VSX1: variants seen among roughly 807,000 people sequenced by gnomAD.
VSX1 encodes the protein visual system homeobox 1, also known as homeodomain protein RINX.
In VSX1, 23 loss-of-function variants were observed where a neutral mutation model predicts 23.6. The ratio of observed to expected loss-of-function variants is 0.97; its 90% CI spans 0.70 to 1.38. VSX1 has a LOEUF of 1.38. Ranked by LOEUF, VSX1 falls within the 40% of genes most tolerant of loss-of-function variation. The pLI is 0.00. For synonymous variants in VSX1, 247 were observed against 215.1 expected (o/e 1.15, Z -1.30); for missense variants, 517 against 495.4 (o/e 1.04, Z -0.41).
At position 25,077,669 on chromosome 20, in the gene VSX1, G is replaced by A. The variant is rs185830328; in HGVS notation, c.808+16C>T. 31 of 1,544,052 alleles carry A rather than the reference G, an allele frequency of 2.0e-5. No individual in the cohort carries two copies. The highest frequency in any genetic ancestry group is 4.9e-5 in the East Asian group (2 of 40,910). ...ACAACACCTCGAGCCGTGCGATCCC[G>A]GGGGCCCTTCCTTACCCAGGAGCCA... On this transcript the variant is annotated intron_variant, in intron 4 of 4. Coordinates refer to ENST00000376709, the MANE Select transcript of VSX1 (RefSeq NM_014588.6).
At chr20:25,071,357 A>G (rs1220538112), downstream of VSX1, 1 of 454,018 alleles carries the variant, frequency 2.2e-6, no homozygotes, top group East Asian at 7.0e-5. Flanking sequence ...CTGTAATCCT[A>G]GCAACATAGG....
downstream of VSX1, among the ~76,000 whole-genome samples, chr20:25,074,545 G>T (rs141691552): frequency 1.3e-5 from 2 of 152,002 alleles, no homozygotes; most frequent in East Asian, 1.9e-4. Flanking sequence ...AGTTGTTAAG[G>T]TTATTCATTT....
chr20:25,081,108 C>CA (rs1245909481), intron 1 of VSX1, among the ~76,000 whole-genome samples: 1 of 152,252 alleles, frequency 6.6e-6, no homozygotes, highest in Non-Finnish European at 1.5e-5. Flanking sequence ...CTTTCTCCTG[C>CA]ACAGGGGACT....
chr20:25,080,183 AAAG>A (rs144858318), intron 1 of VSX1, among the ~76,000 whole-genome samples: 1,818 of 152,378 alleles, frequency 0.012, 17 homozygotes, highest in Middle Eastern at 0.037. Flanking sequence ...TCTAGATGGA[AAAG>A]AAGGTTAGAA....
At chr20:25,081,274 C>G (rs1483049481) in intron 1 of VSX1, among the ~76,000 whole-genome samples, 1 of 152,226 alleles carries the variant, frequency 6.6e-6, no homozygotes, top group Non-Finnish European at 1.5e-5. Flanking sequence ...GTACCTTGTT[C>G]GGTGCTGCTG....
At chr20:25,073,857 G>C (rs2089432894), downstream of VSX1, among the ~76,000 whole-genome samples, 2 of 152,134 alleles carry the variant, frequency 1.3e-5, no homozygotes, top group South Asian at 4.1e-4. Flanking sequence ...GGACAGCGGT[G>C]GTCCTCTGTG....
chr20:25,076,984 C>G (rs74549534), intron 4 of VSX1, among the ~76,000 whole-genome samples: 1 of 152,230 alleles, frequency 6.6e-6, no homozygotes, highest in African/African-American at 2.4e-5. Context: ...GGTAGCTGTT[C>G]AAAAACTGTT....
rs750410426 is a variant in VSX1, at chr20:25,081,664, C to A, written c.424+9G>T. ...CAGGGGCAGGAGCGGAAAGCGCGGG[C>A]CTGATTACCGGACGTGGAGACGCTG... On this transcript the variant is annotated intron_variant, in intron 1 of 4. Coordinates refer to ENST00000376709, the MANE Select transcript of VSX1 (RefSeq NM_014588.6). 3.3e-6 allele frequency: 5 copies of A among 1,522,568 alleles called. No homozygotes were observed. The highest frequency in any genetic ancestry group is 4.4e-6 in the Non-Finnish European group (5 of 1,141,556). 94.3% of individuals were successfully genotyped at this position (1,522,568 alleles called of 1,614,324 possible).
chr20:25,075,980 C>T lies in VSX1; in HGVS notation c.*281G>A. 3 of 490,876 alleles carry T rather than the reference C, an allele frequency of 6.1e-6. No individual in the cohort carries two copies. Among genetic ancestry groups the T allele is most frequent in the East Asian group, 3.9e-5 (1 of 25,546 alleles). The allele number at this position is 490,876 out of a possible 1,614,324, so 30.4% of individuals were successfully genotyped here. A position where few individuals can be genotyped will look rare whatever the true frequency, so the allele number is the denominator to read the frequency against. Reference sequence around the variant, plus strand: ...GCCCAGCAGTGAAATCATTTTTGAACTTCGGATCCTCCCTGCTCAAGCTAC... The same window carrying T: ...GCCCAGCAGTGAAATCATTTTTGAATTTCGGATCCTCCCTGCTCAAGCTAC... On this transcript the variant is annotated 3_prime_UTR_variant, in exon 5 of 5. Coordinates refer to ENST00000376709, the MANE Select transcript of VSX1 (RefSeq NM_014588.6).
In VSX1 at chr20:25,079,489, C is replaced by T; in HGVS notation, c.450G>A (p.Arg150=). ...AGGTGGGGGATGCCTTTAGGTCATT[C>T]CTGTCTTCAGACTGGCTGTCCTCAT... The part of the protein sequence containing the change: ...TSDEDSQSED[R]NDLKASPTLG... The change falls in exon 2 of 5, where the codon AGG becomes AGA. Residue 150 remains arginine, a synonymous_variant. Coordinates refer to ENST00000376709, the MANE Select transcript of VSX1 (RefSeq NM_014588.6). The T allele has an allele frequency of 6.2e-7, 1 of 1,612,774 alleles. No individual in the cohort carries two copies. Among genetic ancestry groups the T allele is most frequent in the Non-Finnish European group, 8.5e-7 (1 of 1,179,568 alleles).
downstream of VSX1, among the ~76,000 whole-genome samples, chr20:25,074,925 C>T (rs1467998393): frequency 2.0e-5 from 3 of 152,198 alleles, no homozygotes; most frequent in Non-Finnish European, 4.4e-5. Flanking sequence ...ATGCCAACTG[C>T]TCATTATGGG....
rs1363119638 is a variant in VSX1 at position 25,075,565 on chromosome 20, T to C, written c.*696A>G. 6.6e-6 allele frequency: 1 copy of C among 152,496 alleles called. No individual in the cohort carries two copies. The highest frequency in any genetic ancestry group is 1.5e-5 in the Non-Finnish European group (1 of 68,050). 9.4% of individuals were successfully genotyped at this position (152,496 alleles called of 1,614,324 possible). A position where few individuals can be genotyped will look rare whatever the true frequency, so the allele number is the denominator to read the frequency against. On this transcript the variant is annotated 3_prime_UTR_variant, in exon 5 of 5. Transcript: ENST00000376709. ...ATCCAAGTCACTAAAGTGCTTTCAATCACAAATTTTGAAAGACCAAAAGCC... is the reference window on the plus strand; with the variant it reads ...ATCCAAGTCACTAAAGTGCTTTCAACCACAAATTTTGAAAGACCAAAAGCC...
intron 3 of VSX1, 197 bp from the exon 4 acceptor site, chr20:25,078,062 G>C (rs1462561757): frequency 5.9e-6 from 4 of 679,944 alleles, no homozygotes; most frequent in Non-Finnish European, 9.9e-6. Flanking sequence ...CAGCGCCCAC[G>C]TGCGGTCCGG....
At chr20:25,070,970 G>A (rs76430933), downstream of VSX1, 4,940 of 453,566 alleles carry the variant, frequency 0.011, 35 homozygotes, top group Non-Finnish European at 0.016. Context: ...TTCAACAGAA[G>A]AAAGTGAAAA....
At chr20:25,077,309 G>C (rs1044210167) in intron 4 of VSX1, among the ~76,000 whole-genome samples, 3 of 152,202 alleles carry the variant, frequency 2.0e-5, no homozygotes, top group Admixed American at 2.0e-4. Flanking sequence ...CCCAGGGGTC[G>C]CTGCTCAGCA....
chr20:25,079,962 C>T (rs761215202), intron 1 of VSX1, among the ~76,000 whole-genome samples: 1 of 152,184 alleles, frequency 6.6e-6, no homozygotes, highest in Non-Finnish European at 1.5e-5. Context: ...AACCTCTACA[C>T]CAACATTTCC....
At chr20:25,071,669 C>T (rs1325557472), downstream of VSX1, 1 of 612,510 alleles carries the variant, frequency 1.6e-6, no homozygotes, top group Non-Finnish European at 3.0e-6. Flanking sequence ...TCACTAGGAC[C>T]TAGCTGTCAT....
chr20:25,078,032 G>A, intron 3 of VSX1, 167 bp from the exon 4 acceptor site: 4 of 871,148 alleles, frequency 4.6e-6, no homozygotes, highest in Non-Finnish European at 7.1e-6. Flanking sequence ...CCCTCAGGGA[G>A]AGCGCCCAGG....
At chr20:25,072,543 T>A (rs1173851159), downstream of VSX1, 1 of 471,068 alleles carries the variant, frequency 2.1e-6, no homozygotes, top group Non-Finnish European at 4.4e-6. Flanking sequence ...CACCTCGTTC[T>A]TTAAGGGTGT....
Sources: gnomAD v4.1 joint callset for allele counts (sites outside exome capture counted in the v4.1 genomes callset) on GRCh38, gnomAD v4.1.1 for gene constraint, MANE v1.5 for transcripts, NCBI Gene and HGNC (gene_info 2026-07-23, HGNC 2026-07-21) for gene names.